RAB8B: variants seen among roughly 807,000 people sequenced by gnomAD.
RAB8B encodes the protein ras-related protein Rab-8B.
Under a neutral mutation model 32.0 loss-of-function variants are expected in RAB8B, and 11 were observed. The ratio of observed to expected loss-of-function variants is 0.34; its 90% CI spans 0.22 to 0.57. The LOEUF (loss-of-function observed/expected upper bound fraction) is 0.57, where lower values mean the gene tolerates loss of function less well. Among genes scored for constraint, RAB8B ranks in the 20% least tolerant of loss-of-function variants. The pLI, the probability that RAB8B is intolerant of heterozygous loss-of-function variation, is 0.86. For missense variants in RAB8B, 190 were observed against 258.5 expected, an observed-to-expected ratio of 0.73 and a Z score of 1.82; for synonymous variants, 103 against 89.6, an observed-to-expected ratio of 1.15 and a Z score of -0.85.
At chr15:63,223,647 C>A (rs972666924) in intron 1 of RAB8B, among the ~76,000 whole-genome samples, 7 of 152,146 alleles carry the variant, frequency 4.6e-5, no homozygotes, top group Non-Finnish European at 7.3e-5. Flanking sequence ...TTTTCCAGAA[C>A]GTCTGGTTGT....
intron 1 of RAB8B, among the ~76,000 whole-genome samples, chr15:63,204,354 C>T (rs1288709813): frequency 1.3e-5 from 2 of 152,154 alleles, no homozygotes; most frequent in Non-Finnish European, 2.9e-5. Context: ...ACCTCGGGTG[C>T]AGCATGTTAG....
chr15:63,191,432 G>A (rs1472830200), intron 1 of RAB8B, among the ~76,000 whole-genome samples: 1 of 152,138 alleles, frequency 6.6e-6, no homozygotes, highest in Non-Finnish European at 1.5e-5. Context: ...CTGGGCTTAG[G>A]GAAGTTTGAA....
chr15:63,249,640 T>C lies in RAB8B; in HGVS notation c.186-5T>C. On this transcript the variant is annotated splice_region_variant and splice_polypyrimidine_tract_variant and intron_variant, in intron 2 of 7. Coordinates refer to ENST00000321437, the MANE Select transcript of RAB8B (RefSeq NM_016530.3). ...AAAACCACTCTCCTTTGTTTCATAT[T>C]TTAGGGACACAGCGGGTCAGGAAAG... 1 of 1,613,626 alleles carries C rather than the reference T, an allele frequency of 6.2e-7. No individual in the cohort carries two copies. Among genetic ancestry groups the C allele is most frequent in the South Asian group, 1.1e-5 (1 of 91,026 alleles).
At chr15:63,263,311 G>T (rs760671804) in intron 7 of RAB8B, among the ~76,000 whole-genome samples, 2 of 152,074 alleles carry the variant, frequency 1.3e-5, no homozygotes, top group Admixed American at 6.6e-5. Flanking sequence ...AGCTGCTATC[G>T]TAAGGGCATT....
Position 63,259,507 on chromosome 15 carries a change from A to C in RAB8B, c.415-120A>C, listed in dbSNP as rs1374558427. The C allele has an allele frequency of 1.3e-6, 1 of 761,334 alleles. No individual in the cohort carries two copies. Among genetic ancestry groups the C allele is most frequent in the Non-Finnish European group, 2.1e-6 (1 of 469,394 alleles). The allele number at this position is 761,334 out of a possible 1,614,324, so 47.2% of individuals were successfully genotyped here. A position where few individuals can be genotyped will look rare whatever the true frequency, so the allele number is the denominator to read the frequency against. On this transcript the variant is annotated intron_variant, in intron 5 of 7. Transcript: ENST00000321437. The surrounding 1 kb of genome is among the most constrained non-coding windows in gnomAD (Gnocchi z 4.4). ...TAGAAGAAAGCAAAGAAATTTGAGA[A>C]CCACAGGAGTTCTGAAATAGATACC... is the stretch of plus-strand genomic sequence containing the variant.
intron 1 of RAB8B, among the ~76,000 whole-genome samples, chr15:63,223,556 A>G (rs1007482243): frequency 6.6e-5 from 10 of 152,254 alleles, no homozygotes; most frequent in African/African-American, 2.4e-4. Flanking sequence ...CCTAGGAGCA[A>G]TAAACAGGCT....
chr15:63,250,870 T>A (rs1356939972), intron 3 of RAB8B, among the ~76,000 whole-genome samples: 1 of 151,266 alleles, frequency 6.6e-6, no homozygotes, highest in Admixed American at 6.6e-5. Context: ...TCCCAACTCA[T>A]TGCTTAAAAG....
At chr15:63,238,338 G>A (rs1198934699) in intron 1 of RAB8B, among the ~76,000 whole-genome samples, 1 of 152,146 alleles carries the variant, frequency 6.6e-6, no homozygotes, top group Non-Finnish European at 1.5e-5. Flanking sequence ...TCTGGGGCTA[G>A]GGGATAAGCC....
At chr15:63,193,852 G>A (rs888358187) in intron 1 of RAB8B, among the ~76,000 whole-genome samples, 1 of 152,204 alleles carries the variant, frequency 6.6e-6, no homozygotes, top group South Asian at 2.1e-4. Context: ...ATTTAATTAA[G>A]TGCCTGTAAA....
rs1336418243 is a variant in RAB8B at position 63,248,117 on chromosome 15, T to C, written c.186-1528T>C. On this transcript the variant is annotated intron_variant, in intron 2 of 7. Coordinates refer to ENST00000321437, the MANE Select transcript of RAB8B (RefSeq NM_016530.3). The surrounding 1 kb of genome is among the most constrained non-coding windows in gnomAD (Gnocchi z 4.4). ...AGCGGTGCAGCAAACAAGTGCCCCA[T>C]GCATCTAATGCCGATCAAAGAAAAT... 1.3e-5 allele frequency among the ~76,000 whole-genome samples: 2 copies of C among 152,234 alleles called. No individual in the cohort carries two copies. The highest frequency in any genetic ancestry group is 6.5e-5 in the Admixed American group (1 of 15,278).
At chr15:63,202,089 TAAAAA>T (rs146981058) in intron 1 of RAB8B, among the ~76,000 whole-genome samples, 31,734 of 83,718 alleles carry the variant, frequency 0.38, 4,860 homozygotes, top group East Asian at 0.72. Flanking sequence ...CCGTCTCTAC[TAAAAA>T]AAAAAAAAAA....
At chr15:63,205,836 G>A (rs1321344202) in intron 1 of RAB8B, among the ~76,000 whole-genome samples, 1 of 152,216 alleles carries the variant, frequency 6.6e-6, no homozygotes, top group Non-Finnish European at 1.5e-5. Context: ...GATGGTAAGA[G>A]TTTTACTTTC....
rs574465038 is a variant in RAB8B, at chr15:63,248,042, A to G, written c.186-1603A>G. ...CCCTCCTTGGGTTTCTCAGAGAAAT[A>G]TGGTTAGTCTGCTAAAAAGTGCTTG... On this transcript the variant is annotated intron_variant, in intron 2 of 7. Transcript: ENST00000321437. The surrounding 1 kb of genome is among the most constrained non-coding windows in gnomAD (Gnocchi z 4.4). 6.6e-6 allele frequency among the ~76,000 whole-genome samples: 1 copy of G among 152,372 alleles called. No homozygotes were observed. Among genetic ancestry groups the G allele is most frequent in the Non-Finnish European group, 1.5e-5 (1 of 68,036 alleles).
intron 1 of RAB8B, among the ~76,000 whole-genome samples, chr15:63,233,671 A>C (rs376087505): frequency 3.9e-5 from 6 of 152,360 alleles, no homozygotes; most frequent in East Asian, 1.9e-4. Flanking sequence ...TCTTTAAAGT[A>C]GACTTCAATA....
At chr15:63,227,358 C>T (rs753534597) in intron 1 of RAB8B, among the ~76,000 whole-genome samples, 1 of 152,158 alleles carries the variant, frequency 6.6e-6, no homozygotes, top group Non-Finnish European at 1.5e-5. Flanking sequence ...CCAGGCTTGC[C>T]TGAGGACATC....
chr15:63,238,667 G>GTA, intron 1 of RAB8B, among the ~76,000 whole-genome samples: 1 of 152,148 alleles, frequency 6.6e-6, no homozygotes, highest in East Asian at 1.9e-4. Context: ...TATATAATAG[G>GTA]TATATAATAT....
chr15:63,190,861 T>C (rs1397233405), intron 1 of RAB8B, among the ~76,000 whole-genome samples: 1 of 152,238 alleles, frequency 6.6e-6, no homozygotes, highest in Non-Finnish European at 1.5e-5. Flanking sequence ...GTTCTAATTA[T>C]TGTTAAGTGA....
At chr15:63,249,019 A>G (rs2038093643) in intron 2 of RAB8B, among the ~76,000 whole-genome samples, 2 of 152,228 alleles carry the variant, frequency 1.3e-5, no homozygotes, top group South Asian at 4.1e-4. Flanking sequence ...CTAAAAAGCA[A>G]AAATATATGA....
chr15:63,233,082 T>A (rs11071736), intron 1 of RAB8B, among the ~76,000 whole-genome samples: 1 of 147,126 alleles, frequency 6.8e-6, no homozygotes, highest in Non-Finnish European at 1.5e-5. Flanking sequence ...TTGTTGAGAA[T>A]AGTCTCATGG....
Sources: allele counts gnomAD v4.1 joint callset (sites outside exome capture counted in the v4.1 genomes callset), GRCh38; gene constraint gnomAD v4.1.1; non-coding constraint Gnocchi (gnomAD v3.1); transcripts MANE v1.5; gene names NCBI Gene and HGNC (gene_info 2026-07-23, HGNC 2026-07-21).